The following NEB variants were observed in gnomAD, a reference collection of about 807,000 sequenced individuals.
NEB encodes nebulin.
In NEB, 512 loss-of-function variants were observed where a neutral mutation model predicts 952.2. The ratio of observed to expected loss-of-function variants is 0.54; its 90% CI spans 0.50 to 0.58. The LOEUF (loss-of-function observed/expected upper bound fraction) is 0.58. Ranked by LOEUF, NEB falls within the 20% of genes least tolerant of loss-of-function variation. NEB has a pLI of 0.00. For missense variants in NEB, 8,428 were observed against 9,231.1 expected, an observed-to-expected ratio of 0.91 and a Z score of 3.56; for synonymous variants, 2,900 against 3,149.8, an observed-to-expected ratio of 0.92 and a Z score of 2.66.
intron 77 of NEB, 56 bp downstream of exon 77, chr2:151,614,220 C>T: frequency 6.3e-7 from 1 of 1,577,514 alleles, no homozygotes. Context: ...TTCCATGGCA[C>T]AAAAGAGTTA....
intron 124 of NEB, among the ~76,000 whole-genome samples, chr2:151,558,923 T>C (rs1372248061): frequency 1.3e-5 from 2 of 151,986 alleles, no homozygotes; most frequent in Non-Finnish European, 2.9e-5. Context: ...CCAAAAGCAA[T>C]GGCAACAAAG....
intron 38 of NEB, among the ~76,000 whole-genome samples, chr2:151,669,362 G>C (rs975054906): frequency 6.6e-6 from 1 of 152,180 alleles, no homozygotes; most frequent in Non-Finnish European, 1.5e-5. Context: ...TGTGTTTAAA[G>C]AGGTGAGGAA....
chr2:151,548,473 T>C, intron 130 of NEB, 58 bp from the exon 131 acceptor site: 3 of 1,163,768 alleles, frequency 2.6e-6, no homozygotes, highest in Non-Finnish European at 3.9e-6. Flanking sequence ...CAACATTACA[T>C]TTCTCCAAAT....
chr2:151,677,849 G>A, intron 33 of NEB, 27 bp downstream of exon 33: 1 of 1,605,800 alleles, frequency 6.2e-7, no homozygotes, highest in Non-Finnish European at 8.5e-7. Flanking sequence ...TAATAGGGGG[G>A]TTTCTTGAGA....
At chr2:151,524,249 T>C (rs2083966778) in intron 153 of NEB, 62 bp downstream of exon 153, 1 of 1,377,776 alleles carries the variant, frequency 7.3e-7, no homozygotes, top group African/African-American at 1.4e-5. Context: ...AAATCACTTC[T>C]TCCTGCAAGG....
chr2:151,491,637 A>G, intron 179 of NEB, 46 bp downstream of exon 179: 1 of 1,420,044 alleles, frequency 7.0e-7, no homozygotes, highest in Non-Finnish European at 9.7e-7. Context: ...ACTCTAGCAT[A>G]CTAAATGGTG....
intron 174 of NEB, 50 bp downstream of exon 174, chr2:151,494,111 C>G (rs777512914): frequency 2.7e-6 from 4 of 1,476,096 alleles, no homozygotes; most frequent in Non-Finnish European, 2.8e-6. Flanking sequence ...GGCCAAACTG[C>G]AAGAGTTATT....
intron 170 of NEB, 24 bp from the exon 171 acceptor site, chr2:151,497,742 A>AAAAAC: frequency 6.4e-7 from 1 of 1,558,596 alleles, no homozygotes. Flanking sequence ...AAGCATCCAG[A>AAAAAC]AAAACAACCA....
intron 162 of NEB, among the ~76,000 whole-genome samples, chr2:151,507,305 C>A (rs1309465556): frequency 6.6e-6 from 1 of 152,206 alleles, no homozygotes; most frequent in African/African-American, 2.4e-5. Context: ...TGATAGTTCA[C>A]ATTCAGTAAA....
intron 156 of NEB, among the ~76,000 whole-genome samples, chr2:151,518,094 C>T (rs1484918536): frequency 6.6e-6 from 1 of 152,178 alleles, no homozygotes; most frequent in Non-Finnish European, 1.5e-5. Context: ...CTTTATGCTT[C>T]CAGCCCCTGC....
chr2:151,631,377 C>T (rs1435741223), intron 65 of NEB, 31 bp from the exon 66 acceptor site: 1 of 1,584,582 alleles, frequency 6.3e-7, no homozygotes, highest in East Asian at 2.2e-5. Flanking sequence ...AAAAACTCTT[C>T]ATCAAGACCA....
intron 78 of NEB, among the ~76,000 whole-genome samples, chr2:151,611,435 T>C (rs1293891516): frequency 6.6e-6 from 1 of 152,212 alleles, no homozygotes; most frequent in African/African-American, 2.4e-5. Flanking sequence ...TGTTGATGGA[T>C]ATAGTATAAA....
At chr2:151,665,299 G>A (rs769281828) in intron 42 of NEB, 34 bp downstream of exon 42, 10 of 1,598,528 alleles carry the variant, frequency 6.3e-6, no homozygotes, top group South Asian at 2.2e-5. Context: ...CACCATGAGG[G>A]TTCCCTGGGC....
At position 151,656,463 on chromosome 2, in the gene NEB, T is replaced by C. The variant is rs779022782; in HGVS notation, c.6185A>G (p.Tyr2062Cys). 1.9e-6 allele frequency: 3 copies of C among 1,591,416 alleles called. No homozygotes were observed. Among genetic ancestry groups the C allele is most frequent in the Non-Finnish European group, 8.6e-7 (1 of 1,165,114 alleles). The stretch of plus-strand genomic sequence containing the variant: ...TTTTTCATAATTGTACTTGTATTTA[T>C]ACTGTGAAGAAAATATGAGTTTTTA... Reference protein sequence around the residue: ...AKASRDIASDYKYKYNYEKGK... With the variant: ...AKASRDIASDCKYKYNYEKGK... Residue 2062 changes from tyrosine to cysteine, a missense_variant and splice_region_variant, in exon 49 of 182, where the codon TAT (tyrosine) becomes TGT (cysteine). Around this residue, in one of 11 missense-constraint regions of NEB, gnomAD observed 2,851 missense variants for 2,791.5 expected, o/e 1.02. Coordinates refer to ENST00000397345, the MANE Select transcript of NEB (RefSeq NM_001164508.2).
In NEB at chr2:151,672,500, T is replaced by G. The variant is rs2099313087; in HGVS notation, c.4168A>C (p.Ile1390Leu). The stretch of plus-strand genomic sequence containing the variant: ...TCCTGGGCCATCTTTGCAGCTGTGA[T>G]GCTAACCATGTCCCCAGGGGTATGG... ...SYHTPGDMVS[I>L]TAAKMAQDVA... The change falls in exon 37 of 182, where the codon ATC (isoleucine) becomes CTC (leucine). Residue 1390 changes from isoleucine to leucine, a missense_variant. Physicochemically the swap from Ile to Leu is conservative, Grantham distance 5. Around this residue, in one of 11 missense-constraint regions of NEB, gnomAD observed 2,851 missense variants for 2,791.5 expected, o/e 1.02. Transcript: ENST00000397345. The G allele has an allele frequency of 1.2e-6, 2 of 1,613,926 alleles. No homozygotes were observed. The highest frequency in any genetic ancestry group is 1.7e-6 in the Non-Finnish European group (2 of 1,179,900).
intron 3 of NEB, among the ~76,000 whole-genome samples, chr2:151,731,006 T>C (rs562628217): frequency 6.6e-6 from 1 of 152,220 alleles, no homozygotes; most frequent in Non-Finnish European, 1.5e-5. Context: ...AAATATCATT[T>C]GGACACTAGA....
At chr2:151,519,125 A>C in intron 154 of NEB, 56 bp from the exon 155 acceptor site, 1 of 1,126,198 alleles carries the variant, frequency 8.9e-7, no homozygotes, top group Non-Finnish European at 1.3e-6. Flanking sequence ...GAACAGCACT[A>C]ATGGAAATCA....
At chr2:151,506,638 C>A (rs577289601) in intron 163 of NEB, among the ~76,000 whole-genome samples, 3 of 152,272 alleles carry the variant, frequency 2.0e-5, no homozygotes, top group African/African-American at 7.2e-5. Flanking sequence ...AAAAAGAAAT[C>A]CATCTTCTTG....
Position 151,727,595 on chromosome 2 carries a change from G to C in NEB, c.294+96C>G, listed in dbSNP as rs901098314. The C allele has an allele frequency of 3.2e-6, 4 of 1,259,424 alleles. No individual in the cohort carries two copies. In the African/African-American group the frequency reaches 4.5e-5, roughly 14 times the overall value. 78.0% of individuals were successfully genotyped at this position (1,259,424 alleles called of 1,614,324 possible). A position where few individuals can be genotyped will look rare whatever the true frequency, so the allele number is the denominator to read the frequency against. On this transcript the variant is annotated intron_variant, in intron 5 of 181. Coordinates refer to ENST00000397345, the MANE Select transcript of NEB (RefSeq NM_001164508.2). ...ATAAGTTTTTGTTTCATACAGGTTT[G>C]AGAAACAAATCCAGCCAGCATCCAA...
Sources: gnomAD v4.1 joint callset for allele counts (sites outside exome capture counted in the v4.1 genomes callset) on GRCh38, gnomAD v4.1.1 for gene constraint, gnomAD v4.1.1 regional missense constraint, MANE v1.5 for transcripts, NCBI Gene and HGNC (gene_info 2026-07-23, HGNC 2026-07-21) for gene names.